PDE4D: variants seen among roughly 807,000 people sequenced by gnomAD.
PDE4D encodes the protein phosphodiesterase 4D, also known as 3',5'-cyclic-AMP phosphodiesterase 4D.
A neutral mutation model predicts 87.4 loss-of-function variants in PDE4D; 24 were observed. The ratio of observed to expected loss-of-function variants is 0.27; its 90% CI spans 0.20 to 0.39. The LOEUF (loss-of-function observed/expected upper bound fraction) is 0.39, where lower values mean the gene tolerates loss of function less well. Ranked by LOEUF, PDE4D falls within the 10% of genes least tolerant of loss-of-function variation. The pLI is 1.00. For missense variants in PDE4D, 714 were observed against 1,041.0 expected, an observed-to-expected ratio of 0.69 and a Z score of 4.32; for synonymous variants, 384 against 383.2, an observed-to-expected ratio of 1.00 and a Z score of -0.02.
chr5:60,432,126 T>G (rs1310889802), intron 1 of PDE4D, among the ~76,000 whole-genome samples: 5 of 133,414 alleles, frequency 3.7e-5, no homozygotes, highest in Non-Finnish European at 6.4e-5. Flanking sequence ...AGGGGATTAG[T>G]TTTTTTTATG....
chr5:59,021,611 T>C (rs1283893180), intron 6 of PDE4D, among the ~76,000 whole-genome samples: 2 of 152,108 alleles, frequency 1.3e-5, no homozygotes, highest in African/African-American at 4.8e-5. Context: ...ACACAATCCT[T>C]TGAGGTAGAT....
intron 2 of PDE4D, among the ~76,000 whole-genome samples, chr5:60,017,222 C>T (rs543931917): frequency 6.6e-6 from 1 of 152,262 alleles, no homozygotes; most frequent in African/African-American, 2.4e-5. Context: ...ATGCTGCAGA[C>T]AGAAATACGG....
At chr5:60,161,461 G>T (rs1334113099) in intron 2 of PDE4D, among the ~76,000 whole-genome samples, 1 of 152,042 alleles carries the variant, frequency 6.6e-6, no homozygotes, top group Non-Finnish European at 1.5e-5. Context: ...TTCAGATGTT[G>T]TTGAGTATGA....
At chr5:59,615,122 G>A (rs573343979) in intron 1 of PDE4D, among the ~76,000 whole-genome samples, 17 of 152,226 alleles carry the variant, frequency 1.1e-4, no homozygotes, top group African/African-American at 2.9e-4. Flanking sequence ...GAGCCACCAC[G>A]CCTGGCTGGG....
chr5:60,047,534 T>A (rs1562021595), intron 2 of PDE4D, among the ~76,000 whole-genome samples: 2 of 152,202 alleles, frequency 1.3e-5, no homozygotes, highest in Non-Finnish European at 2.9e-5. Flanking sequence ...TACACACTGC[T>A]TTGAATGCGT....
intron 1 of PDE4D, among the ~76,000 whole-genome samples, chr5:60,257,583 G>C (rs1480886488): frequency 3.3e-5 from 5 of 151,956 alleles, no homozygotes; most frequent in Non-Finnish European, 5.9e-5. Context: ...AAATGACAAA[G>C]GACTGAAATA....
Position 59,215,837 on chromosome 5 carries a change from T to C in PDE4D, c.587A>G (p.Asp196Gly). ...QRRESFLYRS[D>G]SDYDLSPKSM... ...CTTTGGAGAGAGGTCATAATCGCTG[T>C]CGGATCGATACAGGAAGGACTCCCG... The change falls in exon 2 of 15, where the codon GAC becomes GGC. Residue 196 changes from aspartate (D) to glycine (G), a missense_variant. Coordinates refer to ENST00000340635, the MANE Select transcript of PDE4D (RefSeq NM_001104631.2). 1.2e-6 allele frequency: 2 copies of C among 1,613,700 alleles called. No homozygotes were observed. The highest frequency in any genetic ancestry group is 1.7e-6 in the Non-Finnish European group (2 of 1,179,700).
chr5:59,786,297 A>T (rs1322288883), intron 1 of PDE4D, among the ~76,000 whole-genome samples: 1 of 152,352 alleles, frequency 6.6e-6, no homozygotes, highest in Middle Eastern at 3.4e-3. Context: ...GATTCTAAAC[A>T]GGGATTTAGA....
intron 2 of PDE4D, among the ~76,000 whole-genome samples, chr5:60,030,203 C>A (rs2152858997): frequency 6.6e-6 from 1 of 152,264 alleles, no homozygotes; most frequent in South Asian, 2.1e-4. Context: ...GTAATCCCAG[C>A]ACTTTGGGAG....
chr5:59,947,262 T>A (rs1330175619), intron 3 of PDE4D, among the ~76,000 whole-genome samples: 1 of 152,196 alleles, frequency 6.6e-6, no homozygotes, highest in Admixed American at 6.5e-5. Flanking sequence ...CACTTTGCCG[T>A]CTTTTGAGTA....
chr5:60,489,920 G>C (rs1208968710), upstream of PDE4D: 1 of 152,178 alleles, frequency 6.6e-6, no homozygotes, highest in Admixed American at 6.5e-5. Context: ...AGGCCTGCAA[G>C]TCATTTCATT....
At chr5:59,826,533 T>C (rs915300610) in intron 1 of PDE4D, among the ~76,000 whole-genome samples, 2 of 152,182 alleles carry the variant, frequency 1.3e-5, no homozygotes, top group East Asian at 1.9e-4. Context: ...ATACTTTAAG[T>C]TCTAGGGTAC....
rs1271361594 is a variant in PDE4D, at chr5:60,059,454, T to C, written c.43-70737A>G. Among the ~76,000 whole-genome samples the C allele has an allele frequency of 2.6e-5, 4 of 152,048 alleles. No individual in the cohort carries two copies. The East Asian group carries it at 7.7e-4, about 29-fold the overall frequency. ...TAAAGGGGAGAAAAGTACAAAACCC[T>C]AATGGTAGTAAGGAACTGAAAGAGA... On this transcript the variant is annotated intron_variant, in intron 2 of 16. Transcript: ENST00000502484.
In PDE4D at chr5:60,000,891, C is replaced by A. The variant is rs545010499; in HGVS notation, c.43-12174G>T. 4.9e-4 allele frequency among the ~76,000 whole-genome samples: 74 copies of A among 152,252 alleles called. 1 individual carries two copies. In the South Asian group the frequency reaches 0.012, roughly 25 times the overall value. ...AGCAGTCCTGTCTCCACTTAGCGACCTGTCAGGACTCATTCCCATCCATGT... is the reference window on the plus strand; with the variant it reads ...AGCAGTCCTGTCTCCACTTAGCGACATGTCAGGACTCATTCCCATCCATGT... On this transcript the variant is annotated intron_variant, in intron 2 of 16. Transcript: ENST00000502484.
intron 1 of PDE4D, among the ~76,000 whole-genome samples, chr5:60,398,834 A>C (rs1763075457): frequency 6.6e-6 from 1 of 152,138 alleles, no homozygotes; most frequent in African/African-American, 2.4e-5. Flanking sequence ...TGAGAAACAG[A>C]CTCAGAGGGT....
At chr5:60,370,120 G>A (rs1391537779) in intron 1 of PDE4D, among the ~76,000 whole-genome samples, 1 of 152,120 alleles carries the variant, frequency 6.6e-6, no homozygotes, top group African/African-American at 2.4e-5. Context: ...ACTCAGTCCA[G>A]AGTGGCTAGG....
chr5:59,243,105 T>G (rs1758010882), intron 1 of PDE4D, among the ~76,000 whole-genome samples: 1 of 152,132 alleles, frequency 6.6e-6, no homozygotes, highest in African/African-American at 2.4e-5. Flanking sequence ...TGAACCAGAT[T>G]GAGTAAAATG....
At chr5:59,391,500 G>A (rs1788239538) in intron 1 of PDE4D, among the ~76,000 whole-genome samples, 2 of 151,962 alleles carry the variant, frequency 1.3e-5, no homozygotes, top group South Asian at 4.2e-4. Flanking sequence ...GAAAGACCCT[G>A]AAAAAAAGAA....
intron 1 of PDE4D, among the ~76,000 whole-genome samples, chr5:59,321,051 TGGGATGAAACACA>T (rs755423789): frequency 3.9e-5 from 6 of 152,098 alleles, no homozygotes; most frequent in Non-Finnish European, 7.4e-5. Context: ...CACTTAACAC[TGGGATGAAACACA>T]GGGCCCAGGG....
Sources: allele counts gnomAD v4.1 joint callset (sites outside exome capture counted in the v4.1 genomes callset), GRCh38; gene constraint gnomAD v4.1.1; transcripts MANE v1.5; gene names NCBI Gene and HGNC (gene_info 2026-07-23, HGNC 2026-07-21).